Variants in FUBP3 observed in about 807,000 individuals in gnomAD.
FUBP3 encodes far upstream element binding protein 3, also known as far upstream element-binding protein 3.
In FUBP3, 28 loss-of-function variants were observed where a neutral mutation model predicts 85.6. The observed-to-expected ratio is 0.33, with a 90% confidence interval of 0.24 to 0.45. The LOEUF (loss-of-function observed/expected upper bound fraction) is 0.45, where lower values mean the gene tolerates loss of function less well. Ranked by LOEUF, FUBP3 falls within the 20% of genes least tolerant of loss-of-function variation. The probability of loss-of-function intolerance (pLI) is 1.00; values close to 1 mark genes in which losing one functional copy is unlikely to be tolerated. For synonymous variants in FUBP3, 271 were observed against 271.4 expected (o/e 1.00, Z 0.01); for missense variants, 583 against 755.1 (o/e 0.77, Z 2.67).
In FUBP3 at chr9:130,579,663, A is replaced by ACGGCGG. The variant is rs1830044555; in HGVS notation, c.-14_-9dup. The ACGGCGG allele has an allele frequency of 1.7e-6, 2 of 1,204,906 alleles. No homozygotes were observed. The highest frequency in any genetic ancestry group is 2.1e-6 in the Non-Finnish European group (2 of 958,460). 74.6% of individuals were successfully genotyped at this position (1,204,906 alleles called of 1,614,324 possible). A position where few individuals can be genotyped will look rare whatever the true frequency, so the allele number is the denominator to read the frequency against. On this transcript the variant is annotated 5_prime_UTR_variant, in exon 1 of 19. Coordinates refer to ENST00000319725, the MANE Select transcript of FUBP3 (RefSeq NM_003934.2). The stretch of plus-strand genomic sequence containing the variant: ...GTCGGCGGCGTCGGCGGCGGCGGCG[A>ACGGCGG]CGGCGGCGGGGGCGGTAATGGCGGA...
chr9:130,634,321 G>T (rs752148245), intron 16 of FUBP3, among the ~76,000 whole-genome samples: 2 of 152,218 alleles, frequency 1.3e-5, no homozygotes, highest in African/African-American at 4.8e-5. Context: ...AGAGGGCCAC[G>T]CGAAGAGAGT....
intron 1 of FUBP3, among the ~76,000 whole-genome samples, chr9:130,584,827 C>G (rs1308367953): frequency 2.6e-5 from 4 of 151,416 alleles, no homozygotes; most frequent in Non-Finnish European, 5.9e-5. Context: ...CGGGATGGTG[C>G]CACTGCACTC....
chr9:130,637,052 C>CA lies in FUBP3; in HGVS notation c.*34dup. 3.8e-6 allele frequency: 6 copies of CA among 1,593,728 alleles called. No homozygotes were observed. The highest frequency in any genetic ancestry group is 5.2e-6 in the Non-Finnish European group (6 of 1,161,536). On this transcript the variant is annotated 3_prime_UTR_variant, in exon 19 of 19. Transcript: ENST00000319725. ...GCGTCCTCGTGGCCAACTCTCCCCT[C>CA]AAAATCATTGTCAAAGAAAACCTAT...
chr9:130,628,094 G>GCGCGCA (rs1280537209), intron 12 of FUBP3, among the ~76,000 whole-genome samples: 2 of 119,426 alleles, frequency 1.7e-5, no homozygotes, highest in African/African-American at 6.1e-5. Flanking sequence ...ACGCACGCAC[G>GCGCGCA]CACGCACGCG....
intron 8 of FUBP3, among the ~76,000 whole-genome samples, chr9:130,619,418 T>C (rs1435679825): frequency 6.6e-6 from 1 of 152,148 alleles, no homozygotes; most frequent in Non-Finnish European, 1.5e-5. Flanking sequence ...TGTGTTTCTT[T>C]ACCATTGAAG....
intron 2 of FUBP3, 95 bp downstream of exon 2, chr9:130,595,683 T>C (rs1009641581): frequency 2.0e-5 from 15 of 764,982 alleles, no homozygotes; most frequent in South Asian, 1.9e-4. Context: ...CTCTCTGAAG[T>C]GTCACTCTGT....
chr9:130,617,900 GA>G lies in FUBP3; in HGVS notation c.666+8del. On this transcript the variant is annotated splice_donor_region_variant and intron_variant, in intron 8 of 18. Coordinates refer to ENST00000319725, the MANE Select transcript of FUBP3 (RefSeq NM_003934.2). Reference sequence around the variant, plus strand: ...GGAGATGCATTTAAAGTACAGGTAGGAAAGTGCCATGGGTTGGGTGAGTCCT... The same window carrying G: ...GGAGATGCATTTAAAGTACAGGTAGGAAGTGCCATGGGTTGGGTGAGTCCT... The G allele has an allele frequency of 1.3e-6, 2 of 1,496,598 alleles. No individual in the cohort carries two copies. Among genetic ancestry groups the G allele is most frequent in the Non-Finnish European group, 1.9e-6 (2 of 1,076,040 alleles). 92.7% of individuals were successfully genotyped at this position (1,496,598 alleles called of 1,614,324 possible). A position where few individuals can be genotyped will look rare whatever the true frequency, so the allele number is the denominator to read the frequency against.
At chr9:130,606,525 A>G (rs7042969) in intron 2 of FUBP3, among the ~76,000 whole-genome samples, 48,192 of 151,912 alleles carry the variant, frequency 0.32, 8,296 homozygotes, top group African/African-American at 0.44. Context: ...GGGTATAACT[A>G]TTAAAGCTGA....
chr9:130,583,896 CATATA>C (rs1485343740), intron 1 of FUBP3, among the ~76,000 whole-genome samples: 7 of 152,036 alleles, frequency 4.6e-5, no homozygotes, highest in South Asian at 2.1e-4. Flanking sequence ...GATAATTTAT[CATATA>C]ATATAATTAT....
chr9:130,608,762 A>G (rs1831590545), intron 2 of FUBP3, among the ~76,000 whole-genome samples: 1 of 152,216 alleles, frequency 6.6e-6, no homozygotes, highest in Non-Finnish European at 1.5e-5. Flanking sequence ...TTGACTTAGT[A>G]GCTTCGTTTG....
chr9:130,587,000 C>T (rs550157156), intron 1 of FUBP3, among the ~76,000 whole-genome samples: 5 of 151,592 alleles, frequency 3.3e-5, no homozygotes, highest in South Asian at 2.1e-4. Flanking sequence ...CCACCTGCCT[C>T]GGCCTCCCAA....
intron 16 of FUBP3, 131 bp downstream of exon 16, chr9:130,632,409 C>T (rs1460013627): frequency 1.3e-5 from 9 of 698,610 alleles, no homozygotes; most frequent in Admixed American, 2.2e-5. Flanking sequence ...ACAAGGAGCC[C>T]TCTGGGTGGG....
At position 130,635,899 on chromosome 9, in the gene FUBP3, A is replaced by G; in HGVS notation, c.1583-100A>G. On this transcript the variant is annotated intron_variant, in intron 17 of 18. Coordinates refer to ENST00000319725, the MANE Select transcript of FUBP3 (RefSeq NM_003934.2). This position sits in a 1 kb window ranked among gnomAD's most constrained non-coding sequence, Gnocchi z 4.3. ...TGCCTCCCAGACCTCCCTGCCTTCC[A>G]GCCGTCCGGAGGGAGAGCAGATGCC... 3 of 1,259,998 alleles carry G rather than the reference A, an allele frequency of 2.4e-6. No individual in the cohort carries two copies. Among genetic ancestry groups the G allele is most frequent in the South Asian group, 2.8e-5 (2 of 71,454 alleles). The allele number at this position is 1,259,998 out of a possible 1,614,324, so 78.1% of individuals were successfully genotyped here. A position where few individuals can be genotyped will look rare whatever the true frequency, so the allele number is the denominator to read the frequency against.
intron 2 of FUBP3, among the ~76,000 whole-genome samples, chr9:130,603,056 G>A (rs1831234026): frequency 6.6e-6 from 1 of 152,072 alleles, no homozygotes; most frequent in Admixed American, 6.6e-5. Context: ...GTAAGAAACA[G>A]TGAAGGGAGG....
intron 2 of FUBP3, among the ~76,000 whole-genome samples, chr9:130,596,812 T>C (rs1830895423): frequency 6.6e-6 from 1 of 152,232 alleles, no homozygotes; most frequent in African/African-American, 2.4e-5. Flanking sequence ...TATATATTTA[T>C]GGGGTACATG....
chr9:130,582,268 T>G (rs562208892), intron 1 of FUBP3, among the ~76,000 whole-genome samples: 1 of 152,126 alleles, frequency 6.6e-6, no homozygotes, highest in East Asian at 1.9e-4. Context: ...CTGGGCAACA[T>G]AGCGAGACCT....
At chr9:130,614,072 C>G (rs535793638) in intron 5 of FUBP3, among the ~76,000 whole-genome samples, 11 of 152,378 alleles carry the variant, frequency 7.2e-5, no homozygotes, top group African/African-American at 2.4e-4. Flanking sequence ...TCACGTCCTT[C>G]TAGCTTCCCC....
chr9:130,595,226 C>CAAAAAA (rs10585883), intron 1 of FUBP3, among the ~76,000 whole-genome samples: 1 of 100,882 alleles, frequency 9.9e-6, no homozygotes. Flanking sequence ...AACTCCGTCT[C>CAAAAAA]AAAAAAAAAA....
At chr9:130,581,151 A>G (rs1251646001) in intron 1 of FUBP3, 1 of 152,218 alleles carries the variant, frequency 6.6e-6, no homozygotes, top group African/African-American at 2.4e-5. Context: ...CACTGCCCTA[A>G]AGGGCTCAGA....
Sources: gnomAD v4.1 joint callset for allele counts (sites outside exome capture counted in the v4.1 genomes callset) on GRCh38, gnomAD v4.1.1 for gene constraint, Gnocchi (gnomAD v3.1) non-coding constraint, MANE v1.5 for transcripts, NCBI Gene and HGNC (gene_info 2026-07-23, HGNC 2026-07-21) for gene names.